Variants in RPSA2 observed in about 807,000 individuals in gnomAD.
RPSA2 encodes ribosomal protein SA 2, also known as small ribosomal subunit protein uS2B.
At chr19:23,759,725 T>C in the RPSA2 span, among the ~76,000 whole-genome samples, 2 of 151,744 alleles carry the variant, frequency 1.3e-5, no homozygotes, top group Admixed American at 1.3e-4. Context: ...GGTTTCACTA[T>C]GTTGGCCAGG....
the RPSA2 span, among the ~76,000 whole-genome samples, chr19:23,866,244 C>T: frequency 1.3e-5 from 2 of 152,170 alleles, no homozygotes; most frequent in African/African-American, 4.8e-5. Flanking sequence ...GAGCCTTATG[C>T]ACAATTTATC....
At chr19:23,807,528 T>G in the RPSA2 span, among the ~76,000 whole-genome samples, 1 of 152,234 alleles carries the variant, frequency 6.6e-6, no homozygotes, top group Non-Finnish European at 1.5e-5. Context: ...TTCTGTATTA[T>G]GTAAATATAG....
the RPSA2 span, among the ~76,000 whole-genome samples, chr19:23,802,885 A>G: frequency 0.022 from 3,322 of 152,230 alleles, 128 homozygotes; most frequent in African/African-American, 0.076. Flanking sequence ...TTATATTGTT[A>G]AGACTTCTGA....
chr19:23,850,619 CAG>C, the RPSA2 span, among the ~76,000 whole-genome samples: 66 of 151,642 alleles, frequency 4.4e-4, no homozygotes, highest in East Asian at 0.011. Flanking sequence ...GGCACCCAGA[CAG>C]GGGATTGATG....
chr19:23,775,902 A>G, the RPSA2 span, among the ~76,000 whole-genome samples: 1 of 152,198 alleles, frequency 6.6e-6, no homozygotes, highest in African/African-American at 2.4e-5. Flanking sequence ...TGTTAATGTC[A>G]TCCCTGGTCT....
the RPSA2 span, among the ~76,000 whole-genome samples, chr19:23,826,686 AAT>A: frequency 6.6e-6 from 1 of 151,470 alleles, no homozygotes. Context: ...TATATTCCAG[AAT>A]ATATATATAT....
At chr19:23,793,205 GCTTTCTT>G in the RPSA2 span, among the ~76,000 whole-genome samples, 144,294 of 148,370 alleles carry the variant, frequency 0.97, 70,245 homozygotes, top group East Asian at 1. Flanking sequence ...GAAAGAGGTG[GCTTTCTT>G]TTTTTTTTTT....
the RPSA2 span, among the ~76,000 whole-genome samples, chr19:23,848,260 T>C: frequency 6.6e-6 from 1 of 152,210 alleles, no homozygotes; most frequent in Non-Finnish European, 1.5e-5. Context: ...GTCCCTCCGT[T>C]TGGGGTCCCT....
the RPSA2 span, chr19:23,833,223 C>T: frequency 1.8e-6 from 2 of 1,114,692 alleles, no homozygotes; most frequent in Non-Finnish European, 2.2e-6. Flanking sequence ...AGCAACCCTA[C>T]AAATGGGAAA....
the RPSA2 span, among the ~76,000 whole-genome samples, chr19:23,839,193 G>A: frequency 2.0e-5 from 3 of 152,222 alleles, no homozygotes; most frequent in South Asian, 6.2e-4. Flanking sequence ...TGTTTTTAAC[G>A]CAATGCTCAT....
chr19:23,798,154 C>T, the RPSA2 span, among the ~76,000 whole-genome samples: 1 of 151,770 alleles, frequency 6.6e-6, no homozygotes, highest in South Asian at 2.1e-4. Context: ...TATTTTTAGT[C>T]TTTTAAAGTT....
At chr19:23,857,066 G>C in the RPSA2 span, among the ~76,000 whole-genome samples, 1 of 152,196 alleles carries the variant, frequency 6.6e-6, no homozygotes, top group Non-Finnish European at 1.5e-5. Context: ...TATCTCAATC[G>C]CATAGAACAG....
chr19:23,837,270 C>T, the RPSA2 span, among the ~76,000 whole-genome samples: 5 of 151,876 alleles, frequency 3.3e-5, no homozygotes, highest in Non-Finnish European at 5.9e-5. Flanking sequence ...TTTTTGTTTG[C>T]TTTGTTGAAA....
the RPSA2 span, among the ~76,000 whole-genome samples, chr19:23,841,344 G>T: frequency 5.3e-5 from 8 of 151,782 alleles, no homozygotes; most frequent in Non-Finnish European, 1.2e-4. Flanking sequence ...GGCACCTGTA[G>T]TCCCAGCTAC....
chr19:23,866,594 T>C, the RPSA2 span, among the ~76,000 whole-genome samples: 1 of 142,366 alleles, frequency 7.0e-6, no homozygotes, highest in East Asian at 2.1e-4. Context: ...CCGATGCCAC[T>C]CAAAATTTCA....
the RPSA2 span, among the ~76,000 whole-genome samples, chr19:23,845,665 A>AT: frequency 6.6e-6 from 1 of 151,854 alleles, no homozygotes; most frequent in Admixed American, 6.6e-5. Flanking sequence ...CTATTTTTAA[A>AT]TTTTTTTTGT....
At chr19:23,842,874 A>G in the RPSA2 span, among the ~76,000 whole-genome samples, 5 of 152,106 alleles carry the variant, frequency 3.3e-5, no homozygotes, top group Non-Finnish European at 4.4e-5. Flanking sequence ...TTTTTGAGGT[A>G]ATCTGTATCC....
the RPSA2 span, among the ~76,000 whole-genome samples, chr19:23,860,375 A>G: frequency 6.6e-6 from 1 of 152,180 alleles, no homozygotes; most frequent in Non-Finnish European, 1.5e-5. Flanking sequence ...GTTTAAATGT[A>G]TATTTCTCCT....
At chr19:23,828,936 G>GACACACACACAC in the RPSA2 span, among the ~76,000 whole-genome samples, 200 of 148,376 alleles carry the variant, frequency 1.3e-3, no homozygotes, top group South Asian at 5.7e-3. Flanking sequence ...CCTAATGTGA[G>GACACACACACAC]ACACACACAC....
Sources: gnomAD v4.1 joint callset for allele counts (sites outside exome capture counted in the v4.1 genomes callset) on GRCh38, gnomAD v4.1.1 for gene constraint, MANE v1.5 for transcripts, NCBI Gene and HGNC (gene_info 2026-07-23, HGNC 2026-07-21) for gene names.